SLC25A21: variants seen among roughly 807,000 people sequenced by gnomAD.
The protein encoded by SLC25A21 is mitochondrial 2-oxodicarboxylate carrier.
In SLC25A21, 47 loss-of-function variants were observed where a neutral mutation model predicts 43.8. The observed-to-expected ratio is 1.07, with a 90% CI of 0.85 to 1.37. The LOEUF is 1.37. Among genes scored for constraint, SLC25A21 ranks in the 40% most tolerant of loss-of-function variants. The pLI, the probability that SLC25A21 is intolerant of heterozygous loss-of-function variation, is 0.00. For missense variants in SLC25A21, 352 were observed against 350.2 expected, an observed-to-expected ratio of 1.00 and a Z score of -0.04; for synonymous variants, 131 against 121.3, an observed-to-expected ratio of 1.08 and a Z score of -0.52.
intron 1 of SLC25A21, among the ~76,000 whole-genome samples, chr14:36,982,403 C>A (rs1230186758): frequency 6.6e-6 from 1 of 152,120 alleles, no homozygotes; most frequent in Non-Finnish European, 1.5e-5. Context: ...ATAGTAACCT[C>A]CTTTTCATCC....
intron 1 of SLC25A21, among the ~76,000 whole-genome samples, chr14:37,076,159 T>C (rs529582854): frequency 3.3e-5 from 5 of 152,298 alleles, no homozygotes; most frequent in African/African-American, 1.2e-4. Flanking sequence ...CTTCTTTTTT[T>C]CTTTCTTCTT....
At chr14:36,812,979 A>C (rs911855149) in intron 3 of SLC25A21, among the ~76,000 whole-genome samples, 1 of 152,208 alleles carries the variant, frequency 6.6e-6, no homozygotes, top group African/African-American at 2.4e-5. Context: ...TTACTGTTAC[A>C]TTTTTGAAAG....
At chr14:37,091,781 A>C (rs1962591259) in intron 1 of SLC25A21, among the ~76,000 whole-genome samples, 1 of 152,190 alleles carries the variant, frequency 6.6e-6, no homozygotes, top group Non-Finnish European at 1.5e-5. Flanking sequence ...ACATTCATAC[A>C]TATTTTCTCC....
chr14:36,876,233 T>C (rs1209488120), intron 1 of SLC25A21, among the ~76,000 whole-genome samples: 1 of 152,200 alleles, frequency 6.6e-6, no homozygotes, highest in Non-Finnish European at 1.5e-5. Context: ...CTTCCCATAC[T>C]GACCAGGTCC....
chr14:36,697,139 C>T (rs1165690286), intron 7 of SLC25A21, among the ~76,000 whole-genome samples: 2 of 152,168 alleles, frequency 1.3e-5, no homozygotes, highest in African/African-American at 2.4e-5. Flanking sequence ...CAAAGAACAT[C>T]TTTATTTCTG....
chr14:36,878,012 T>A lies in SLC25A21; in HGVS notation c.71-3008A>T, dbSNP rs1025539995. On this transcript the variant is annotated intron_variant, in intron 1 of 9. Coordinates refer to ENST00000331299, the MANE Select transcript of SLC25A21 (RefSeq NM_030631.4). ...GGAGTGGTATTGACCTCTGCTAATG[T>A]GCTCTCCCAATAATCTAATCATCTT... Among the ~76,000 whole-genome samples, 38 of 152,188 alleles carry A rather than the reference T, an allele frequency of 2.5e-4. 1 individual carries two copies. Among genetic ancestry groups the A allele is most frequent in the Admixed American group, 1.5e-3 (23 of 15,266 alleles).
At chr14:36,988,085 G>A (rs889063568) in intron 1 of SLC25A21, among the ~76,000 whole-genome samples, 1 of 152,186 alleles carries the variant, frequency 6.6e-6, no homozygotes, top group African/African-American at 2.4e-5. Context: ...TCCCTTCCCT[G>A]TGGCAACACG....
intron 1 of SLC25A21, among the ~76,000 whole-genome samples, chr14:36,924,358 G>A (rs539178669): frequency 0.017 from 2,623 of 152,242 alleles, 68 homozygotes; most frequent in African/African-American, 0.059. Flanking sequence ...AAAAAATGAT[G>A]AGTTCATGTC....
chr14:36,887,708 T>C (rs1890962014), intron 1 of SLC25A21, among the ~76,000 whole-genome samples: 2 of 152,296 alleles, frequency 1.3e-5, no homozygotes, highest in East Asian at 3.9e-4. Context: ...AGGACCTCTA[T>C]TTCAACTCCA....
chr14:37,009,706 G>A (rs918892799), intron 1 of SLC25A21, among the ~76,000 whole-genome samples: 6 of 152,112 alleles, frequency 3.9e-5, no homozygotes, highest in Non-Finnish European at 8.8e-5. Context: ...TCCAATAAAA[G>A]CAAAAGCCTA....
intron 2 of SLC25A21, among the ~76,000 whole-genome samples, chr14:36,821,878 C>T (rs1033805887): frequency 2.6e-5 from 4 of 152,070 alleles, no homozygotes; most frequent in Non-Finnish European, 4.4e-5. Context: ...ATAATAATAA[C>T]TACGTAACAT....
In SLC25A21 at chr14:36,705,676, T is replaced by G. The variant is rs565937247; in HGVS notation, c.603+5642A>C. ...GAAAAACATTATGAACAGTTTCTTG[T>G]AAAACCAAGTACTTTGAAGATGAAA... On this transcript the variant is annotated intron_variant, in intron 7 of 9. Coordinates refer to ENST00000331299, the MANE Select transcript of SLC25A21 (RefSeq NM_030631.4). Among the ~76,000 whole-genome samples, 62 of 152,302 alleles carry G rather than the reference T, an allele frequency of 4.1e-4. 1 individual carries two copies. The highest frequency in any genetic ancestry group is 1.4e-3 in the African/African-American group (60 of 41,584).
At chr14:36,809,335 AAC>A (rs1305938172) in intron 3 of SLC25A21, among the ~76,000 whole-genome samples, 1 of 152,168 alleles carries the variant, frequency 6.6e-6, no homozygotes, top group Non-Finnish European at 1.5e-5. Flanking sequence ...TGTTACAGAA[AAC>A]AGTGTCTTTT....
chr14:36,708,927 G>A (rs1239904064), intron 7 of SLC25A21, among the ~76,000 whole-genome samples: 3 of 151,588 alleles, frequency 2.0e-5, no homozygotes, highest in Non-Finnish European at 2.9e-5. Context: ...TAACTTAAGT[G>A]TATTGATTAA....
chr14:37,007,707 G>A (rs1457230843), intron 1 of SLC25A21, among the ~76,000 whole-genome samples: 1 of 151,844 alleles, frequency 6.6e-6, no homozygotes, highest in Admixed American at 6.6e-5. Context: ...CTTGTTCATC[G>A]ATCTTGATAT....
intron 1 of SLC25A21, among the ~76,000 whole-genome samples, chr14:36,910,260 C>T (rs573961525): frequency 6.6e-6 from 1 of 152,262 alleles, no homozygotes; most frequent in Admixed American, 6.5e-5. Context: ...TGCATTGGGT[C>T]GTTCTTTCAT....
chr14:36,969,624 G>A (rs1446071463), intron 1 of SLC25A21, among the ~76,000 whole-genome samples: 1 of 150,978 alleles, frequency 6.6e-6, no homozygotes, highest in Non-Finnish European at 1.5e-5. Flanking sequence ...TGGGAGCTGG[G>A]ACAACAGGCA....
intron 3 of SLC25A21, among the ~76,000 whole-genome samples, chr14:36,798,902 AAG>A (rs10637597): frequency 1.3e-5 from 2 of 150,710 alleles, no homozygotes; most frequent in Middle Eastern, 3.2e-3. Context: ...TAGGGAGAGA[AAG>A]AGAGAGAGAG....
intron 1 of SLC25A21, among the ~76,000 whole-genome samples, chr14:37,011,798 A>T (rs1960739155): frequency 6.6e-6 from 1 of 152,202 alleles, no homozygotes; most frequent in Non-Finnish European, 1.5e-5. Context: ...GAAATTTTCT[A>T]ACTTGATAAG....
Sources: gnomAD v4.1 joint callset for allele counts (sites outside exome capture counted in the v4.1 genomes callset) on GRCh38, gnomAD v4.1.1 for gene constraint, MANE v1.5 for transcripts, NCBI Gene and HGNC (gene_info 2026-07-23, HGNC 2026-07-21) for gene names.